The following EPHA6 variants were observed in gnomAD, a reference collection of about 807,000 sequenced individuals.
EPHA6 encodes the protein EPH receptor A6, also known as ephrin type-A receptor 6.
EPHA6 carries 50 observed loss-of-function variants against 112.0 expected under a neutral mutation model. The observed-to-expected ratio is 0.45, with a 90% CI of 0.36 to 0.56. EPHA6 has a LOEUF of 0.56. EPHA6 is among the 20% of genes least tolerant of loss of function. The probability of loss-of-function intolerance (pLI) is 0.00; values close to 1 mark genes in which losing one functional copy is unlikely to be tolerated. For missense variants in EPHA6, 1,280 were observed against 1,417.4 expected (o/e 0.90, Z 1.56); for synonymous variants, 529 against 490.7 (o/e 1.08, Z -1.03).
At chr3:97,175,297 T>G (rs1447993910) in intron 3 of EPHA6, among the ~76,000 whole-genome samples, 1 of 152,002 alleles carries the variant, frequency 6.6e-6, no homozygotes, top group Non-Finnish European at 1.5e-5. Flanking sequence ...TTGGTTACTA[T>G]AGCTCTGTAG....
intron 11 of EPHA6, among the ~76,000 whole-genome samples, chr3:97,532,967 A>C (rs1482421661): frequency 6.6e-6 from 1 of 152,060 alleles, no homozygotes; most frequent in African/African-American, 2.4e-5. Context: ...AAAATTCGGC[A>C]TGGAACCTAT....
intron 11 of EPHA6, among the ~76,000 whole-genome samples, chr3:97,564,085 CGTTAA>C (rs533654749): frequency 1.7e-3 from 258 of 152,000 alleles, no homozygotes; most frequent in Non-Finnish European, 1.9e-3. Context: ...ATATGAAAAG[CGTTAA>C]GTTAATTAGG....
At chr3:97,369,080 GAA>G (rs1246025641) in intron 5 of EPHA6, among the ~76,000 whole-genome samples, 6 of 152,186 alleles carry the variant, frequency 3.9e-5, no homozygotes, top group Admixed American at 2.0e-4. Flanking sequence ...CCTGAGCTGG[GAA>G]AAGAGTTTTC....
At chr3:97,575,867 T>C (rs949088098) in intron 11 of EPHA6, among the ~76,000 whole-genome samples, 17 of 152,146 alleles carry the variant, frequency 1.1e-4, no homozygotes, top group African/African-American at 3.6e-4. Flanking sequence ...TATATAAAGC[T>C]GTGTAATTGT....
chr3:96,966,092 A>T (rs1360747044), intron 2 of EPHA6, among the ~76,000 whole-genome samples: 1 of 152,126 alleles, frequency 6.6e-6, no homozygotes, highest in Non-Finnish European at 1.5e-5. Flanking sequence ...TTTTTATTGA[A>T]TAAATTAGGT....
intron 3 of EPHA6, among the ~76,000 whole-genome samples, chr3:97,047,677 A>AC (rs2045559496): frequency 1.2e-5 from 1 of 84,018 alleles, no homozygotes; most frequent in Non-Finnish European, 1.9e-5. Context: ...TAATATTTGT[A>AC]AAATATTAAT....
chr3:96,837,335 T>G (rs2107306111), intron 1 of EPHA6, among the ~76,000 whole-genome samples: 2 of 152,248 alleles, frequency 1.3e-5, no homozygotes, highest in South Asian at 2.1e-4. Context: ...GTGGTGTGAC[T>G]TACTCTGCAT....
At chr3:97,208,255 T>C (rs2077767479) in intron 3 of EPHA6, among the ~76,000 whole-genome samples, 1 of 152,176 alleles carries the variant, frequency 6.6e-6, no homozygotes, top group Non-Finnish European at 1.5e-5. Flanking sequence ...CAATTCAATA[T>C]TTACAGAGCA....
chr3:97,067,335 G>T (rs1265591658), intron 3 of EPHA6, among the ~76,000 whole-genome samples: 3 of 152,078 alleles, frequency 2.0e-5, no homozygotes, highest in Non-Finnish European at 4.4e-5. Flanking sequence ...AAGACAATCT[G>T]TGTTCTAGGA....
chr3:97,517,641 C>G (rs7616581), intron 10 of EPHA6, among the ~76,000 whole-genome samples: 14,006 of 152,010 alleles, frequency 0.092, 995 homozygotes, highest in Non-Finnish European at 0.14. Context: ...AATATACAAT[C>G]ATATTATTTA....
intron 3 of EPHA6, among the ~76,000 whole-genome samples, chr3:97,009,850 C>T (rs1391212244): frequency 6.6e-6 from 1 of 152,206 alleles, no homozygotes; most frequent in African/African-American, 2.4e-5. Context: ...CTCCCCTTCC[C>T]TTGTGGCTCT....
At chr3:96,884,218 A>T (rs192078447) in intron 2 of EPHA6, among the ~76,000 whole-genome samples, 1 of 152,196 alleles carries the variant, frequency 6.6e-6, no homozygotes, top group Non-Finnish European at 1.5e-5. Flanking sequence ...TTTTGGTTCC[A>T]TATGAATTTT....
At chr3:97,143,285 A>G (rs966622550) in intron 3 of EPHA6, among the ~76,000 whole-genome samples, 1 of 151,840 alleles carries the variant, frequency 6.6e-6, no homozygotes, top group Non-Finnish European at 1.5e-5. Flanking sequence ...ATTATGGGAT[A>G]TATTCATGTA....
chr3:97,713,661 C>T (rs1361980425), intron 14 of EPHA6, among the ~76,000 whole-genome samples: 7 of 152,206 alleles, frequency 4.6e-5, no homozygotes, highest in African/African-American at 1.7e-4. Flanking sequence ...GCATGCATGT[C>T]TGTACACATA....
chr3:96,854,172 A>G (rs1191520240), intron 1 of EPHA6, among the ~76,000 whole-genome samples: 3 of 148,986 alleles, frequency 2.0e-5, no homozygotes, highest in African/African-American at 7.4e-5. Context: ...ACTCTGTTTA[A>G]TCATGACTTT....
chr3:96,865,892 C>T (rs980624539), intron 1 of EPHA6, among the ~76,000 whole-genome samples: 3 of 151,830 alleles, frequency 2.0e-5, no homozygotes, highest in Admixed American at 6.6e-5. Context: ...CTGCCAGAAA[C>T]GCTACAAAAA....
intron 1 of EPHA6, among the ~76,000 whole-genome samples, chr3:96,836,758 C>T (rs1388130575): frequency 6.6e-6 from 1 of 152,146 alleles, no homozygotes; most frequent in Non-Finnish European, 1.5e-5. Context: ...CCTGTGCACA[C>T]TTCAGTCCTG....
At chr3:97,674,487 T>C (rs1490885938) in intron 14 of EPHA6, among the ~76,000 whole-genome samples, 2 of 152,192 alleles carry the variant, frequency 1.3e-5, no homozygotes, top group African/African-American at 4.8e-5. Context: ...ATACCTATAG[T>C]CTGCCTTTTC....
At chr3:96,874,369 G>T (rs1226426562) in intron 2 of EPHA6, among the ~76,000 whole-genome samples, 1 of 152,024 alleles carries the variant, frequency 6.6e-6, no homozygotes. Flanking sequence ...AGGAACTAAA[G>T]AAATATTCCT....
Sources: allele counts gnomAD v4.1 joint callset (sites outside exome capture counted in the v4.1 genomes callset), GRCh38; gene constraint gnomAD v4.1.1; transcripts MANE v1.5; gene names NCBI Gene and HGNC (gene_info 2026-07-23, HGNC 2026-07-21).